MKI67: variants seen among roughly 807,000 people sequenced by gnomAD.
MKI67 encodes proliferation marker protein Ki-67.
In MKI67, 152 loss-of-function variants were observed where a neutral mutation model predicts 233.5. The ratio of observed to expected loss-of-function variants is 0.65; its 90% CI spans 0.57 to 0.74. The LOEUF (loss-of-function observed/expected upper bound fraction) is 0.74. MKI67 is among the 30% of genes least tolerant of loss of function. The probability of loss-of-function intolerance (pLI) is 0.00; values close to 1 mark genes in which losing one functional copy is unlikely to be tolerated. For synonymous variants in MKI67, 1,465 were observed against 1,418.5 expected, an observed-to-expected ratio of 1.03 and a Z score of -0.74; for missense variants, 3,940 against 3,885.2, an observed-to-expected ratio of 1.01 and a Z score of -0.37.
chr10:128,105,283 C>T lies in MKI67; in HGVS notation c.6557G>A (p.Gly2186Glu), dbSNP rs754983596. The change falls in exon 13 of 15, where the codon GGA becomes GAA. Residue 2186 changes from glycine to glutamate, a missense_variant. Physicochemically the swap from Gly to Glu is moderately conservative, Grantham distance 98. Transcript: ENST00000368654. Reference sequence around the variant, plus strand: ...CAAGTCTTCTAGGGGTTGGGCTTTTCCCTTAGGAGTTCTTGGCTGCCTCTT... The same window carrying T: ...CAAGTCTTCTAGGGGTTGGGCTTTTTCCTTAGGAGTTCTTGGCTGCCTCTT... ...GSKRQPRTPK[G>E]KAQPLEDLAG... 3.7e-6 allele frequency: 6 copies of T among 1,613,644 alleles called. No individual in the cohort carries two copies. The East Asian group carries it at 6.7e-5, about 18-fold the overall frequency.
Position 128,110,510 on chromosome 10 carries a change from G to A in MKI67, c.2284C>T (p.Pro762Ser). The A allele has an allele frequency of 6.4e-7, 1 of 1,561,132 alleles. No homozygotes were observed. Residue 762 changes from proline to serine, a missense_variant, in exon 12 of 15, where the codon CCA (proline) becomes TCA (serine). Transcript: ENST00000368654. ...LSGIAEMFKT[P>S]VKEQPQLTST... ...GTCAACTGCGGTTGCTCCTTCACTGGGGTCTTGAACATTTCAGCTATTCCT... is the reference window on the plus strand; with the variant it reads ...GTCAACTGCGGTTGCTCCTTCACTGAGGTCTTGAACATTTCAGCTATTCCT...
Position 128,105,828 on chromosome 10 carries a change from C to A in MKI67, c.6012G>T (p.Gly2004=). 6.2e-7 allele frequency: 1 copy of A among 1,614,166 alleles called. No individual in the cohort carries two copies. Among genetic ancestry groups the A allele is most frequent in the Non-Finnish European group, 8.5e-7 (1 of 1,180,036 alleles). Reference sequence around the variant, plus strand: ...GGACCTCTTCTTTCACACCTACTTTCCCCAAGGATATCTTGAGTCGTTGCT... The same window carrying A: ...GGACCTCTTCTTTCACACCTACTTTACCCAAGGATATCTTGAGTCGTTGCT... The part of the protein sequence containing the change: ...SSKQRLKISL[G]KVGVKEEVLP... The change falls in exon 13 of 15, where the codon GGG becomes GGT. Residue 2004 remains glycine, a synonymous_variant. Coordinates refer to ENST00000368654, the MANE Select transcript of MKI67 (RefSeq NM_002417.5).
At position 128,111,720 on chromosome 10, in the gene MKI67, C is replaced by T. The variant is rs758993851; in HGVS notation, c.2185G>A (p.Val729Met). ...AGCACTCTGTAGGGTCGAGCAGGCA[C>T]ATGTACTTTTTCAGTATGAGCTTTC... Reference protein sequence around the residue: ...IGKAHTEKVHVPARPYRVLNN... With the variant: ...IGKAHTEKVHMPARPYRVLNN... The change falls in exon 11 of 15, where the codon GTG becomes ATG. Residue 729 changes from valine to methionine, a missense_variant. Val to Met is a conservative substitution (Grantham distance 21). Transcript: ENST00000368654. The T allele has an allele frequency of 6.8e-6, 11 of 1,614,074 alleles. No homozygotes were observed. The highest frequency in any genetic ancestry group is 1.3e-5 in the African/African-American group (1 of 74,928).
Position 128,115,059 on chromosome 10 carries a change from G to T in MKI67, c.1349C>A (p.Thr450Asn). The T allele has an allele frequency of 6.2e-7, 1 of 1,613,590 alleles. No homozygotes were observed. Among genetic ancestry groups the T allele is most frequent in the South Asian group, 1.1e-5 (1 of 91,088 alleles). The stretch of plus-strand genomic sequence containing the variant: ...CTTTTGGATCTTCCTCTCAACTTGA[G>T]TGAGCCACAGAGTTAAAAATGGCTC... Reference protein sequence around the residue: ...HNEPFLTLWLTQVERKIQKDS... With the variant: ...HNEPFLTLWLNQVERKIQKDS... Residue 450 changes from threonine to asparagine, a missense_variant, in exon 7 of 15, where the codon ACT becomes AAT. Thr to Asn is a moderately conservative substitution (Grantham distance 65, BLOSUM62 0). Transcript: ENST00000368654.
rs878986387 is a variant in MKI67 at position 128,103,881 on chromosome 10, TTTC to T, written c.7956_7958del (p.Lys2653del). On this transcript the variant is annotated inframe_deletion, in exon 13 of 15. Coordinates refer to ENST00000368654, the MANE Select transcript of MKI67 (RefSeq NM_002417.5). ...TGGGTTCCTCTTCTACTGGGTTTGG[TTTC>T]TTCTTTGCACGTTGCTTCAATACTT... 4 of 1,613,900 alleles carry T rather than the reference TTTC, an allele frequency of 2.5e-6. No homozygotes were observed. Among genetic ancestry groups the T allele is most frequent in the Non-Finnish European group, 3.4e-6 (4 of 1,179,982 alleles).
chr10:128,104,083 C>A lies in MKI67; in HGVS notation c.7757G>T (p.Cys2586Phe). The change falls in exon 13 of 15, where the codon TGC (cysteine) becomes TTC (phenylalanine). Residue 2586 changes from cysteine (C) to phenylalanine (F), a missense_variant. Cys to Phe is a radical substitution (Grantham distance 205). Transcript: ENST00000368654. ...MTIDKNTKIP[C>F]KSPPPELTDT... ...TGTTAGTTCTGGTGGGGGAGATTTG[C>A]AGGGAATTTTTGTGTTTTTGTCAAT... 1.2e-6 allele frequency: 2 copies of A among 1,613,940 alleles called. No homozygotes were observed. The highest frequency in any genetic ancestry group is 1.7e-6 in the Non-Finnish European group (2 of 1,180,024).
intron 14 of MKI67, among the ~76,000 whole-genome samples, chr10:128,099,764 G>A (rs1341824253): frequency 6.6e-6 from 1 of 152,118 alleles, no homozygotes; most frequent in Non-Finnish European, 1.5e-5. Flanking sequence ...GCTTCTTACT[G>A]GAAAAAATCT....
In MKI67 at chr10:128,111,632, A is replaced by C. The variant is rs746150108; in HGVS notation, c.2260+13T>G. 2.1e-5 allele frequency: 33 copies of C among 1,604,222 alleles called. No homozygotes were observed. In the East Asian group the frequency reaches 7.1e-4, roughly 35 times the overall value. ...AGTCAAAAGATTTATAAGATCTAAGACTACGTTTTTACCTGAAAGATCTTC... is the reference window on the plus strand; with the variant it reads ...AGTCAAAAGATTTATAAGATCTAAGCCTACGTTTTTACCTGAAAGATCTTC... On this transcript the variant is annotated intron_variant, in intron 11 of 14. Coordinates refer to ENST00000368654, the MANE Select transcript of MKI67 (RefSeq NM_002417.5).
intron 7 of MKI67, among the ~76,000 whole-genome samples, chr10:128,114,271 C>T (rs537289176): frequency 2.0e-5 from 3 of 152,170 alleles, no homozygotes; most frequent in Non-Finnish European, 4.4e-5. Flanking sequence ...GTGTAGGAAG[C>T]TCCCGAGGAG....
intron 4 of MKI67, among the ~76,000 whole-genome samples, chr10:128,121,914 T>C (rs1287694219): frequency 1.3e-5 from 2 of 152,114 alleles, no homozygotes; most frequent in Non-Finnish European, 2.9e-5. Context: ...TACATTCTTG[T>C]ATCACTGTTA....
Position 128,122,971 on chromosome 10 carries a change from G to T in MKI67, c.197C>A (p.Thr66Lys), listed in dbSNP as rs765849321. ...AGACCCATTTACTTGTGTTGGATTT[G>T]TGGAACTGAAATTATGTAATATTGC... ...QEAILHNFSS[T>K]NPTQVNGSVI... The change falls in exon 4 of 15, where the codon ACA becomes AAA. Residue 66 changes from threonine (T) to lysine (K), a missense_variant. Thr to Lys is a moderately conservative substitution (Grantham distance 78). Transcript: ENST00000368654. 3.7e-5 allele frequency: 60 copies of T among 1,607,768 alleles called. No homozygotes were observed. The highest frequency in any genetic ancestry group is 5.0e-5 in the Non-Finnish European group (59 of 1,174,834).
chr10:128,114,576 G>A (rs1354313051), intron 7 of MKI67, among the ~76,000 whole-genome samples: 3 of 152,176 alleles, frequency 2.0e-5, no homozygotes, highest in Non-Finnish European at 2.9e-5. Flanking sequence ...ACAGTTGATT[G>A]TAGTTCAGAA....
At position 128,106,497 on chromosome 10, in the gene MKI67, G is replaced by A. The variant is rs139410096; in HGVS notation, c.5343C>T (p.Ala1781=). 6.7e-5 allele frequency: 108 copies of A among 1,613,966 alleles called. No homozygotes were observed. Among genetic ancestry groups the A allele is most frequent in the Non-Finnish European group, 8.8e-5 (104 of 1,180,024 alleles). Residue 1781 remains alanine (A), a synonymous_variant, in exon 13 of 15, where the codon GCC becomes GCT. Coordinates refer to ENST00000368654, the MANE Select transcript of MKI67 (RefSeq NM_002417.5). ...FRKQTPSAGK[A]MHTPKPAVGE... The stretch of plus-strand genomic sequence containing the variant: ...CTACTGCTGGTTTGGGTGTGTGCAT[G>A]GCTTTGCCTGCTGATGGCGTTTGTT...
chr10:128,114,295 T>C (rs544581264), intron 7 of MKI67, among the ~76,000 whole-genome samples: 1 of 152,196 alleles, frequency 6.6e-6, no homozygotes, highest in Admixed American at 6.5e-5. Flanking sequence ...CCACACCTGC[T>C]ATAAAGGTCC....
At position 128,102,663 on chromosome 10, in the gene MKI67, A is replaced by T; in HGVS notation, c.9177T>A (p.Ile3059=). 3 of 1,614,102 alleles carry T rather than the reference A, an allele frequency of 1.9e-6. No homozygotes were observed. Among genetic ancestry groups the T allele is most frequent in the Non-Finnish European group, 2.5e-6 (3 of 1,180,024 alleles). Residue 3059 remains isoleucine (I), a synonymous_variant, in exon 13 of 15, where the codon ATT becomes ATA. Transcript: ENST00000368654. The stretch of plus-strand genomic sequence containing the variant: ...TGCTGTTCAGCTCTTCCGCAGGTTC[A>T]ATTCTTTTTGCAGAAGTCCTCAAAC... ...KRSLRTSAKR[I]EPAEELNSND...
At chr10:128,113,173 G>T (rs1852719567) in intron 8 of MKI67, among the ~76,000 whole-genome samples, 1 of 151,850 alleles carries the variant, frequency 6.6e-6, no homozygotes, top group African/African-American at 2.4e-5. Context: ...TGGGTGTCTG[G>T]GAACTTCTGC....
In MKI67 at chr10:128,105,520, G is replaced by A. The variant is rs142477303; in HGVS notation, c.6320C>T (p.Pro2107Leu). The change falls in exon 13 of 15, where the codon CCA (proline) becomes CTA (leucine). Residue 2107 changes from proline (P) to leucine (L), a missense_variant. By Grantham distance (98) the Pro-to-Leu change is moderately conservative (BLOSUM62 -3). Coordinates refer to ENST00000368654, the MANE Select transcript of MKI67 (RefSeq NM_002417.5). ...TGTTGGAGTGTCCATTGATTCTGGT[G>A]GTGGAGATTTGCAGGCTATTTTGGT... ...KTTKIACKSPPPESMDTPTST... is the reference protein window; with the variant it reads ...KTTKIACKSPLPESMDTPTST... 7.5e-4 allele frequency: 1,211 copies of A among 1,612,904 alleles called. No individual in the cohort carries two copies. The highest frequency in any genetic ancestry group is 9.1e-4 in the Non-Finnish European group (1,069 of 1,179,732).
chr10:128,102,747 C>T lies in MKI67; in HGVS notation c.9093G>A (p.Gln3031=). Residue 3031 remains glutamine, a synonymous_variant, in exon 13 of 15, where the codon CAG becomes CAA. Transcript: ENST00000368654. ...IVEELPASKK[Q]RVAPRARGKS... Reference sequence around the variant, plus strand: ...TGCCTCTTGCCCTGGGAGCAACCCTCTGCTTCTTGCTGGCTGGCAGCTCCT... The same window carrying T: ...TGCCTCTTGCCCTGGGAGCAACCCTTTGCTTCTTGCTGGCTGGCAGCTCCT... 6.2e-7 allele frequency: 1 copy of T among 1,614,258 alleles called. No homozygotes were observed. The highest frequency in any genetic ancestry group is 8.5e-7 in the Non-Finnish European group (1 of 1,180,054).
At position 128,108,052 on chromosome 10, in the gene MKI67, G is replaced by T; in HGVS notation, c.3788C>A (p.Thr1263Lys). The change falls in exon 13 of 15, where the codon ACA becomes AAA. Residue 1263 changes from threonine to lysine, a missense_variant. By Grantham distance (78) the Thr-to-Lys change is moderately conservative (BLOSUM62 -1). Transcript: ENST00000368654. ...SPQSDPVDTP[T>K]STKQRPKRSI... The stretch of plus-strand genomic sequence containing the variant: ...TCTCTTGGGTCGTTGCTTTGTGCTT[G>T]TTGGGGTGTCCACTGGGTCTGACTG... 6.2e-7 allele frequency: 1 copy of T among 1,613,968 alleles called. No homozygotes were observed. The highest frequency in any genetic ancestry group is 8.5e-7 in the Non-Finnish European group (1 of 1,180,010).
Sources: gnomAD v4.1 joint callset for allele counts (sites outside exome capture counted in the v4.1 genomes callset) on GRCh38, gnomAD v4.1.1 for gene constraint, MANE v1.5 for transcripts, NCBI Gene and HGNC (gene_info 2026-07-23, HGNC 2026-07-21) for gene names.